Variants in HPD observed in about 807,000 individuals in gnomAD.
HPD encodes the protein 4-hydroxyphenylpyruvic acid oxidase.
A neutral mutation model predicts 56.9 loss-of-function variants in HPD; 35 were observed. The ratio of observed to expected loss-of-function variants is 0.62; its 90% confidence interval spans 0.47 to 0.82. HPD has a LOEUF of 0.82. HPD is among the 40% of genes least tolerant of loss of function. The pLI is 0.00. For synonymous variants in HPD, 186 were observed against 200.2 expected (o/e 0.93, Z 0.60); for missense variants, 442 against 506.8 (o/e 0.87, Z 1.23).
At chr12:121,867,351 CAAAA>C (rs545740135), upstream of HPD, among the ~76,000 whole-genome samples, 4 of 106,746 alleles carry the variant, frequency 3.7e-5, no homozygotes, top group African/African-American at 9.0e-5. Context: ...GACCCTGTCT[CAAAA>C]AAAAAAAAAA....
chr12:121,884,193 C>T, the HPD span, among the ~76,000 whole-genome samples: 12 of 131,718 alleles, frequency 9.1e-5, no homozygotes, highest in African/African-American at 2.6e-4. Flanking sequence ...TTTTTTGAGA[C>T]GGAGTTTCGC....
chr12:121,887,827 C>T, the HPD span, among the ~76,000 whole-genome samples: 1 of 152,124 alleles, frequency 6.6e-6, no homozygotes, highest in Admixed American at 6.6e-5. Flanking sequence ...AAGTATGTCC[C>T]TTCTTTTGGA....
Position 121,857,440 on chromosome 12 carries a change from A to G in HPD, c.94-8T>C. On this transcript the variant is annotated splice_region_variant and splice_polypyrimidine_tract_variant and intron_variant, in intron 3 of 13. Coordinates refer to ENST00000289004, the MANE Select transcript of HPD (RefSeq NM_002150.3). ...GCAGTAGAATGACGTGGCCTGAATC[A>G]CAGGGTTGCAGCAGGGTTCATGAGG... The G allele has an allele frequency of 6.3e-7, 1 of 1,592,854 alleles. No homozygotes were observed. Among genetic ancestry groups the G allele is most frequent in the South Asian group, 1.1e-5 (1 of 90,684 alleles).
At chr12:121,840,956 G>C (rs1234241355) in intron 12 of HPD, among the ~76,000 whole-genome samples, 1 of 152,008 alleles carries the variant, frequency 6.6e-6, no homozygotes, top group Non-Finnish European at 1.5e-5. Flanking sequence ...CACTCTGGGA[G>C]GCTGAGGTGA....
chr12:121,865,247 G>A (rs116829362), upstream of HPD, among the ~76,000 whole-genome samples: 6,499 of 139,896 alleles, frequency 0.046, 451 homozygotes, highest in African/African-American at 0.16. Context: ...TAACCTGGGC[G>A]ACACAGCGAC....
upstream of HPD, among the ~76,000 whole-genome samples, chr12:121,862,609 T>A (rs1249975692): frequency 7.1e-6 from 1 of 140,938 alleles, no homozygotes; most frequent in East Asian, 2.1e-4. Flanking sequence ...TTTTTTTTTT[T>A]TTTTTTTTTT....
chr12:121,850,671 G>C (rs1877738526), intron 7 of HPD, among the ~76,000 whole-genome samples: 1 of 144,586 alleles, frequency 6.9e-6, no homozygotes, highest in Admixed American at 7.0e-5. Flanking sequence ...GGGATTACAG[G>C]CATGAGCCAC....
intron 12 of HPD, among the ~76,000 whole-genome samples, chr12:121,841,932 C>G (rs1294876678): frequency 6.6e-6 from 1 of 152,112 alleles, no homozygotes; most frequent in Non-Finnish European, 1.5e-5. Flanking sequence ...ATCCGCCCAC[C>G]TCAGCCTCCC....
At chr12:121,848,950 C>G in intron 9 of HPD, 49 bp downstream of exon 9, 1 of 1,372,494 alleles carries the variant, frequency 7.3e-7, no homozygotes, top group Non-Finnish European at 1.0e-6. Flanking sequence ...GGCCAGTCCA[C>G]CGTGAGGACC....
At chr12:121,867,996 G>T (rs1878369717), upstream of HPD, among the ~76,000 whole-genome samples, 1 of 152,156 alleles carries the variant, frequency 6.6e-6, no homozygotes, top group South Asian at 2.1e-4. Context: ...CTATTGCTGA[G>T]CAGTGTTTCA....
At chr12:121,881,778 C>G in the HPD span, among the ~76,000 whole-genome samples, 1 of 150,022 alleles carries the variant, frequency 6.7e-6, no homozygotes, top group African/African-American at 2.4e-5. Flanking sequence ...TCCCAACTAG[C>G]TGGGACTATA....
At position 121,843,983 on chromosome 12, in the gene HPD, G is replaced by T. The variant is rs1406240897; in HGVS notation, c.832-151C>A. On this transcript the variant is annotated intron_variant, in intron 11 of 13. Coordinates refer to ENST00000289004, the MANE Select transcript of HPD (RefSeq NM_002150.3). The stretch of plus-strand genomic sequence containing the variant: ...TGTGGCCTCTTCCCCTTTCTTCTCT[G>T]TCATGGGCCCCGTTAGAACAACAAC... 1.1e-5 allele frequency: 9 copies of T among 825,288 alleles called. No homozygotes were observed. In the African/African-American group the frequency reaches 1.3e-4, roughly 12 times the overall value. The allele number at this position is 825,288 out of a possible 1,614,324, so 51.1% of individuals were successfully genotyped here. A position where few individuals can be genotyped will look rare whatever the true frequency, so the allele number is the denominator to read the frequency against.
chr12:121,879,482 G>GTTCTGTTCTCTTCTCTTCTC, the HPD span, among the ~76,000 whole-genome samples: 1,005 of 148,004 alleles, frequency 6.8e-3, 4 homozygotes, highest in African/African-American at 9.3e-3. Flanking sequence ...TTTCTCTTCT[G>GTTCTGTTCTCTTCTCTTCTC]TTCTCTTCTC....
chr12:121,856,507 G>A (rs1024414210), intron 5 of HPD, 76 bp downstream of exon 5: 2 of 1,593,438 alleles, frequency 1.3e-6, no homozygotes, highest in South Asian at 1.1e-5. Flanking sequence ...GCCCACCCAC[G>A]GAGCCATGCG....
At chr12:121,884,246 C>T in the HPD span, among the ~76,000 whole-genome samples, 1 of 150,106 alleles carries the variant, frequency 6.7e-6, no homozygotes, top group Non-Finnish European at 1.5e-5. Flanking sequence ...TCGCCGCTCA[C>T]TGCAACCTCT....
intron 9 of HPD, 35 bp from the exon 10 acceptor site, chr12:121,847,249 G>A: frequency 1.2e-6 from 2 of 1,610,500 alleles, no homozygotes; most frequent in Non-Finnish European, 8.5e-7. Flanking sequence ...TATGCTCTGA[G>A]CGCCTCCAGG....
chr12:121,868,976 C>T, the HPD span, among the ~76,000 whole-genome samples: 2 of 152,184 alleles, frequency 1.3e-5, no homozygotes, highest in Non-Finnish European at 2.9e-5. Context: ...GTAACCTCAA[C>T]CTCCCTGGCT....
chr12:121,879,466 T>TC, the HPD span, among the ~76,000 whole-genome samples: 1 of 139,540 alleles, frequency 7.2e-6, no homozygotes, highest in Non-Finnish European at 1.5e-5. Flanking sequence ...TTTTCTTTTC[T>TC]TTCCTTTTCT....
chr12:121,877,649 C>T, the HPD span, among the ~76,000 whole-genome samples: 1,169 of 152,224 alleles, frequency 7.7e-3, 13 homozygotes, highest in African/African-American at 0.027. Flanking sequence ...ACCAGAATAG[C>T]TTGAACTTGG....
Sources: gnomAD v4.1 joint callset for allele counts (sites outside exome capture counted in the v4.1 genomes callset) on GRCh38, gnomAD v4.1.1 for gene constraint, MANE v1.5 for transcripts, NCBI Gene and HGNC (gene_info 2026-07-23, HGNC 2026-07-21) for gene names.